The following PRICKLE1 variants were observed in gnomAD, a reference collection of about 807,000 sequenced individuals.
PRICKLE1 encodes prickle-like protein 1.
Under a neutral mutation model 70.2 loss-of-function variants are expected in PRICKLE1, and 14 were observed. That is an observed-to-expected ratio of 0.20 (90% CI 0.13 to 0.31). The LOEUF (loss-of-function observed/expected upper bound fraction) is 0.31, where lower values mean the gene tolerates loss of function less well. PRICKLE1 is among the 10% of genes least tolerant of loss of function. The pLI, the probability that PRICKLE1 is intolerant of heterozygous loss-of-function variation, is 1.00. For synonymous variants in PRICKLE1, 357 were observed against 379.9 expected, an observed-to-expected ratio of 0.94 and a Z score of 0.70; for missense variants, 821 against 1,026.2, an observed-to-expected ratio of 0.80 and a Z score of 2.73.
At chr12:42,482,748 G>T (rs1218792893) in intron 1 of PRICKLE1, 2 of 152,330 alleles carry the variant, frequency 1.3e-5, no homozygotes, top group Non-Finnish European at 2.9e-5. Context: ...TTAAAAATGG[G>T]GCTGGAGGAA....
chr12:42,520,319 C>A (rs1939689283), intron 1 of PRICKLE1, among the ~76,000 whole-genome samples: 1 of 152,130 alleles, frequency 6.6e-6, no homozygotes. Context: ...AGATGTAAGA[C>A]CGTGGTGGTC....
At chr12:42,566,886 C>A (rs1018845708) in intron 1 of PRICKLE1, among the ~76,000 whole-genome samples, 4 of 152,210 alleles carry the variant, frequency 2.6e-5, no homozygotes, top group African/African-American at 9.6e-5. Flanking sequence ...GAGCCACTAT[C>A]ATATGCTTGG....
At chr12:42,580,884 G>A (rs900778635) in intron 1 of PRICKLE1, among the ~76,000 whole-genome samples, 4 of 151,700 alleles carry the variant, frequency 2.6e-5, no homozygotes, top group African/African-American at 9.7e-5. Flanking sequence ...AAAAGAGAAA[G>A]GAAGGAAGGA....
At chr12:42,520,439 C>A (rs1939691146) in intron 1 of PRICKLE1, among the ~76,000 whole-genome samples, 1 of 152,180 alleles carries the variant, frequency 6.6e-6, no homozygotes, top group Non-Finnish European at 1.5e-5. Context: ...CAAGACATTT[C>A]ATTCTCCCTT....
chr12:42,460,488 T>G lies in PRICKLE1; in HGVS notation c.1817A>C (p.Lys606Thr), dbSNP rs754414301. The G allele has an allele frequency of 1.2e-6, 2 of 1,613,796 alleles. No homozygotes were observed. Among genetic ancestry groups the G allele is most frequent in the South Asian group, 2.2e-5 (2 of 91,084 alleles). Reference sequence around the variant, plus strand: ...TACTGGCTTCTCTTCAGGCAGGATTTTCTCTGGACACAACTCTGAACTTAG... The same window carrying G: ...TACTGGCTTCTCTTCAGGCAGGATTGTCTCTGGACACAACTCTGAACTTAG... ...KSLSSELCPE[K>T]ILPEEKPVHL... is the part of the protein sequence containing the mutation. Residue 606 changes from lysine (K) to threonine (T), a missense_variant, in exon 8 of 8, where the codon AAA (lysine) becomes ACA (threonine). Transcript: ENST00000345127.
rs1413160382 is a variant in PRICKLE1, at chr12:42,468,618, T to C, written c.588+8A>G. On this transcript the variant is annotated splice_region_variant and intron_variant, in intron 5 of 7. Transcript: ENST00000345127. ...TTTCCCAGTGTGAAAGGATGAACTT[T>C]TTTTTACCTCGTCACATGCTGAGCA... The C allele has an allele frequency of 6.2e-7, 1 of 1,613,652 alleles. No individual in the cohort carries two copies. The highest frequency in any genetic ancestry group is 1.7e-5 in the Admixed American group (1 of 60,022).
At chr12:42,467,861 A>C (rs1245878279) in intron 5 of PRICKLE1, among the ~76,000 whole-genome samples, 1 of 152,236 alleles carries the variant, frequency 6.6e-6, no homozygotes. Flanking sequence ...ATTGTCATAG[A>C]TTGAAGGAGA....
intron 6 of PRICKLE1, 51 bp from the exon 7 acceptor site, chr12:42,465,309 A>G (rs551722974): frequency 1.3e-6 from 2 of 1,585,424 alleles, no homozygotes; most frequent in Admixed American, 1.7e-5. Context: ...AATGCCTGAA[A>G]CAAGGTATAA....
chr12:42,459,897 G>T lies in PRICKLE1; in HGVS notation c.2408C>A (p.Ser803Tyr). ...ACCAAACTGAGGGGTGGGAAGTGCA[G>T]ATGGTGGACTAGAAAGGTCATCTGT... ...YYTDDLSSPP[S>Y]ALPTPQFGQR... The change falls in exon 8 of 8, where the codon TCT (serine) becomes TAT (tyrosine). Residue 803 changes from serine (S) to tyrosine (Y), a missense_variant. Transcript: ENST00000345127. 6.2e-7 allele frequency: 1 copy of T among 1,614,168 alleles called. No homozygotes were observed. Among genetic ancestry groups the T allele is most frequent in the Non-Finnish European group, 8.5e-7 (1 of 1,180,028 alleles).
chr12:42,543,487 C>T (rs1001964039), intron 1 of PRICKLE1, among the ~76,000 whole-genome samples: 1 of 151,936 alleles, frequency 6.6e-6, no homozygotes, highest in Non-Finnish European at 1.5e-5. Flanking sequence ...TATGTGCCAC[C>T]GCATCCAGCT....
rs1388017621 is a variant in PRICKLE1, at chr12:42,494,849, G to A, written c.-48-22285C>T. On this transcript the variant is annotated intron_variant, in intron 1 of 7. Transcript: ENST00000345127. ...AGCAATTCCTCGTCTGATAAAATTC[G>A]ATTATGAGATTGCAGCAATTCAGTC... Among the ~76,000 whole-genome samples the A allele has an allele frequency of 4.1e-5, 6 of 145,436 alleles. No homozygotes were observed. The East Asian group carries it at 7.9e-4, about 19-fold the overall frequency.
intron 6 of PRICKLE1, 36 bp from the exon 7 acceptor site, chr12:42,465,294 G>C: frequency 1.2e-6 from 2 of 1,608,890 alleles, no homozygotes; most frequent in Non-Finnish European, 1.7e-6. Flanking sequence ...AACAGGTTAT[G>C]GTTTAATGCC....
At chr12:42,465,941 A>G (rs1378453312) in intron 6 of PRICKLE1, 1 of 552,278 alleles carries the variant, frequency 1.8e-6, no homozygotes, top group Non-Finnish European at 3.2e-6. Flanking sequence ...GTATTCCCCC[A>G]TGAGCAATGG....
chr12:42,469,785 C>CT (rs540132556), intron 3 of PRICKLE1, 198 bp from the exon 4 acceptor site: 175 of 635,972 alleles, frequency 2.8e-4, no homozygotes, highest in African/African-American at 1.0e-3. Flanking sequence ...TGAAGGAATA[C>CT]TTTTTTTTTA....
rs759716073 is a variant in PRICKLE1 at position 42,470,284 on chromosome 12, T to G, written c.208A>C (p.Lys70Gln). ...VNSPGEKHRI[K>Q]QLLYQLPPHD... ...GGTGGTAACTGGTACAAAAGCTGTT[T>G]AATCCGATGCTTCTCTCCGGGGCTG... Residue 70 changes from lysine to glutamine, a missense_variant, in exon 3 of 8, where the codon AAA becomes CAA. Lys to Gln is a moderately conservative substitution (Grantham distance 53). Transcript: ENST00000345127. The G allele has an allele frequency of 1.9e-6, 3 of 1,614,128 alleles. No individual in the cohort carries two copies. The South Asian group carries it at 3.3e-5, about 18-fold the overall frequency.
Position 42,467,161 on chromosome 12 carries a change from G to A in PRICKLE1, c.589-781C>T, listed in dbSNP as rs148725582. Among the ~76,000 whole-genome samples, 1,146 of 151,782 alleles carry A rather than the reference G, an allele frequency of 7.6e-3. 39 individuals are homozygous for A. The East Asian group carries it at 0.089, about 12-fold the overall frequency. On this transcript the variant is annotated intron_variant, in intron 5 of 7. Coordinates refer to ENST00000345127, the MANE Select transcript of PRICKLE1 (RefSeq NM_153026.3). ...AGACAGAGTCTCGCTCTGTCACCAC[G>A]CTGGAGTGCAATGGCGTGACCTCGG...
At chr12:42,493,607 A>G (rs920184753) in intron 1 of PRICKLE1, among the ~76,000 whole-genome samples, 10 of 152,242 alleles carry the variant, frequency 6.6e-5, no homozygotes, top group African/African-American at 2.2e-4. Flanking sequence ...TGAGTAAACT[A>G]GAAACCCAGT....
In PRICKLE1 at chr12:42,459,011, G is replaced by A; in HGVS notation, c.*798C>T. ...AAAAAGTTGAATTTTCCATCACTAG[G>A]CAATGTAAATTTGACCATCTACATT... On this transcript the variant is annotated 3_prime_UTR_variant, in exon 8 of 8. Transcript: ENST00000345127. 3.0e-6 allele frequency: 1 copy of A among 334,754 alleles called. No homozygotes were observed. Among genetic ancestry groups the A allele is most frequent in the Non-Finnish European group, 5.5e-6 (1 of 182,728 alleles). The allele number at this position is 334,754 out of a possible 1,614,324, so 20.7% of individuals were successfully genotyped here.
Position 42,473,001 on chromosome 12 carries a change from C to T in PRICKLE1, c.-48-437G>A, listed in dbSNP as rs542199892. ...AGGAAAAATGGCTCAAGACCCCACT[C>T]GGCACCCCTGTATTTCCTAAGCAAT... On this transcript the variant is annotated intron_variant, in intron 1 of 7. Coordinates refer to ENST00000345127, the MANE Select transcript of PRICKLE1 (RefSeq NM_153026.3). Among the ~76,000 whole-genome samples, 9 of 152,318 alleles carry T rather than the reference C, an allele frequency of 5.9e-5. No homozygotes were observed. The South Asian group carries it at 1.2e-3, about 21-fold the overall frequency.
Sources: allele counts gnomAD v4.1 joint callset (sites outside exome capture counted in the v4.1 genomes callset), GRCh38; gene constraint gnomAD v4.1.1; transcripts MANE v1.5; gene names NCBI Gene and HGNC (gene_info 2026-07-23, HGNC 2026-07-21).